INO80D: variants seen among roughly 807,000 people sequenced by gnomAD.
INO80D encodes the protein INO80 complex subunit D.
INO80D carries 21 observed loss-of-function variants against 87.6 expected under a neutral mutation model. The observed-to-expected ratio is 0.24, with a 90% CI of 0.17 to 0.35. The LOEUF (loss-of-function observed/expected upper bound fraction) is 0.35, where lower values mean the gene tolerates loss of function less well. Ranked by LOEUF, INO80D falls within the 10% of genes least tolerant of loss-of-function variation. INO80D has a pLI of 1.00. For missense variants in INO80D, 982 were observed against 1,280.7 expected, an observed-to-expected ratio of 0.77 and a Z score of 3.56; for synonymous variants, 440 against 491.0, an observed-to-expected ratio of 0.90 and a Z score of 1.37.
intron 8 of INO80D, among the ~76,000 whole-genome samples, chr2:206,010,170 A>T (rs1244450545): frequency 3.9e-5 from 6 of 151,968 alleles, no homozygotes; most frequent in Admixed American, 3.3e-4. Context: ...GTGGAGGAAA[A>T]TTTTTTGTGA....
Position 205,993,800 on chromosome 2 carries a change from TAC to T in INO80D, c.*10566_*10567del, listed in dbSNP as rs1473743895. 18 of 152,138 alleles carry T rather than the reference TAC, an allele frequency of 1.2e-4. 1 individual carries two copies. Among genetic ancestry groups the T allele is most frequent in the African/African-American group, 2.7e-4 (11 of 41,422 alleles). The allele number at this position is 152,138 out of a possible 1,614,324, so 9.4% of individuals were successfully genotyped here. ...TGTCACACTATATACAGATAATACA[TAC>T]AGTGTTTCATACACATATTACATCA... is the stretch of plus-strand genomic sequence containing the variant. On this transcript the variant is annotated 3_prime_UTR_variant, in exon 11 of 11. Transcript: ENST00000403263.
In INO80D at chr2:206,004,868, C is replaced by G. The variant is rs1474639951; in HGVS notation, c.2584G>C (p.Ala862Pro). The G allele has an allele frequency of 6.2e-7, 1 of 1,613,994 alleles. No homozygotes were observed. The highest frequency in any genetic ancestry group is 2.2e-5 in the East Asian group (1 of 44,880). The change falls in exon 11 of 11, where the codon GCA (alanine) becomes CCA (proline). Residue 862 changes from alanine to proline, a missense_variant. Coordinates refer to ENST00000403263, the MANE Select transcript of INO80D (RefSeq NM_017759.5). This position sits in a 1 kb window ranked among gnomAD's most constrained non-coding sequence, Gnocchi z 4.9. ...SGDNMAATFSAEMPIMAQHLL... is the reference protein window; with the variant it reads ...SGDNMAATFSPEMPIMAQHLL... ...TGCTGCGCCATGATGGGCATCTCTG[C>G]TGAAAAGGTAGCTGCCATATTATCA...
intron 1 of INO80D, among the ~76,000 whole-genome samples, chr2:206,071,243 G>GC (rs34495509): frequency 0.95 from 26,290 of 27,552 alleles, 12,541 homozygotes; most frequent in Middle Eastern, 0.99. Context: ...ACAGGCATAA[G>GC]CACCACGCCC....
At position 206,017,760 on chromosome 2, in the gene INO80D, C is replaced by G. The variant is rs922319836; in HGVS notation, c.1462G>C (p.Ala488Pro). The change falls in exon 8 of 11, where the codon GCA becomes CCA. Residue 488 changes from alanine (A) to proline (P), a missense_variant. Coordinates refer to ENST00000403263, the MANE Select transcript of INO80D (RefSeq NM_017759.5). ...GGCACAGAGCACTGCTGTCCATCTG[C>G]AAACTTGGCTGTGCAACTTGAGAAG... ...QLFSSCTAKF[A>P]DGQQCSVPVF... The G allele has an allele frequency of 3.0e-5, 49 of 1,613,560 alleles. No individual in the cohort carries two copies. Among genetic ancestry groups the G allele is most frequent in the Non-Finnish European group, 4.2e-5 (49 of 1,179,802 alleles).
intron 5 of INO80D, among the ~76,000 whole-genome samples, chr2:206,031,254 G>GA (rs1336144461): frequency 6.1e-5 from 8 of 131,472 alleles, no homozygotes; most frequent in South Asian, 2.4e-4. Context: ...ACTCCATCTC[G>GA]AAAAAAAAGA....
chr2:206,060,097 C>A (rs981156018), intron 3 of INO80D, among the ~76,000 whole-genome samples: 1 of 151,874 alleles, frequency 6.6e-6, no homozygotes, highest in African/African-American at 2.4e-5. Context: ...CCTAGTTACT[C>A]GGGAGACTGA....
chr2:206,081,843 C>T (rs540831472), intron 1 of INO80D, among the ~76,000 whole-genome samples: 1 of 151,828 alleles, frequency 6.6e-6, no homozygotes, highest in Non-Finnish European at 1.5e-5. Context: ...CTATTATGGG[C>T]CAAACACATG....
chr2:206,023,716 AAAG>A (rs966905315), intron 6 of INO80D, among the ~76,000 whole-genome samples: 3 of 151,650 alleles, frequency 2.0e-5, no homozygotes, highest in Non-Finnish European at 2.9e-5. Context: ...GCCAATCACC[AAAG>A]AATGATTATG....
intron 8 of INO80D, among the ~76,000 whole-genome samples, chr2:206,014,266 A>C (rs1688260813): frequency 6.6e-6 from 1 of 152,216 alleles, no homozygotes. Context: ...TTAGTATACA[A>C]ATTTTTCAAA....
At chr2:206,059,009 G>C (rs1215357688) in intron 3 of INO80D, among the ~76,000 whole-genome samples, 2 of 150,940 alleles carry the variant, frequency 1.3e-5, no homozygotes, top group East Asian at 3.9e-4. Context: ...AGGATCCCTT[G>C]AGGCCAGGAG....
At chr2:206,083,620 C>T (rs1417847425) in intron 1 of INO80D, among the ~76,000 whole-genome samples, 1 of 152,074 alleles carries the variant, frequency 6.6e-6, no homozygotes, top group Non-Finnish European at 1.5e-5. Context: ...TGATCTTAGG[C>T]AGACGAAAGG....
At position 206,028,206 on chromosome 2, in the gene INO80D, C is replaced by T. The variant is rs770379769; in HGVS notation, c.1203G>A (p.Thr401=). The change falls in exon 6 of 11, where the codon ACG becomes ACA. Residue 401 remains threonine, a synonymous_variant. Coordinates refer to ENST00000403263, the MANE Select transcript of INO80D (RefSeq NM_017759.5). ...CCGCCTGCAGCAAAGCTTTCCTAAA[C>T]GTATGCCGGCATTTCTTTTGACGAG... ...AESRQKKCRH[T]FRKALLQAAS... is the part of the protein sequence containing the mutation. 2.2e-5 allele frequency: 35 copies of T among 1,612,324 alleles called. No homozygotes were observed. Among genetic ancestry groups the T allele is most frequent in the African/African-American group, 1.1e-4 (8 of 74,888 alleles).
intron 8 of INO80D, 84 bp from the exon 9 acceptor site, chr2:206,009,878 A>G: frequency 9.2e-7 from 1 of 1,082,188 alleles, no homozygotes; most frequent in Middle Eastern, 2.9e-4. Flanking sequence ...ACATCCCTTA[A>G]TATTCTATAT....
chr2:206,044,692 C>T (rs1479117162), intron 5 of INO80D, among the ~76,000 whole-genome samples: 14 of 152,172 alleles, frequency 9.2e-5, no homozygotes, highest in Non-Finnish European at 1.9e-4. Flanking sequence ...GAATAGAATA[C>T]ACATTGTTCC....
chr2:206,056,342 T>C lies in INO80D; in HGVS notation c.820A>G (p.Thr274Ala), dbSNP rs757064035. 4.3e-6 allele frequency: 7 copies of C among 1,613,742 alleles called. No individual in the cohort carries two copies. In the African/African-American group the frequency reaches 5.3e-5, roughly 12 times the overall value. ...LPLLPSSRAP[T>A]VDPPRTDRIL... ...CGGTCAGTCCTGGGTGGGTCCACAGTGGGAGCCCTACTGGATGGCAGGAGG... is the reference window on the plus strand; with the variant it reads ...CGGTCAGTCCTGGGTGGGTCCACAGCGGGAGCCCTACTGGATGGCAGGAGG... Residue 274 changes from threonine (T) to alanine (A), a missense_variant, in exon 4 of 11, where the codon ACT becomes GCT. Transcript: ENST00000403263.
At chr2:206,011,411 C>T (rs1688170986) in intron 8 of INO80D, among the ~76,000 whole-genome samples, 2 of 152,220 alleles carry the variant, frequency 1.3e-5, no homozygotes, top group Admixed American at 1.3e-4. Context: ...ATACTTCACA[C>T]AGAACAGCCT....
chr2:206,008,077 G>T (rs541560858), intron 9 of INO80D: 2 of 152,176 alleles, frequency 1.3e-5, no homozygotes, highest in South Asian at 4.1e-4. Flanking sequence ...CACCTCCTGA[G>T]TTCAAGAGAT....
In INO80D at chr2:206,047,611, T is replaced by A. The variant is rs141545718; in HGVS notation, c.965-999A>T. On this transcript the variant is annotated intron_variant, in intron 4 of 10. Transcript: ENST00000403263. Reference sequence around the variant, plus strand: ...GTGAGAAAAGAAGCTCGATATATGTTAAGGCAAGAAAAAGGTCAATACCTG... The same window carrying A: ...GTGAGAAAAGAAGCTCGATATATGTAAAGGCAAGAAAAAGGTCAATACCTG... Among the ~76,000 whole-genome samples, 623 of 151,698 alleles carry A rather than the reference T, an allele frequency of 4.1e-3. 6 individuals are homozygous for A. Among genetic ancestry groups the A allele is most frequent in the Middle Eastern group, 0.02 (6 of 294 alleles).
chr2:205,994,872 C>T lies in INO80D; in HGVS notation c.*9496G>A, dbSNP rs1474349305. 2 of 117,908 alleles carry T rather than the reference C, an allele frequency of 1.7e-5. No homozygotes were observed. The highest frequency in any genetic ancestry group is 3.6e-5 in the Non-Finnish European group (2 of 55,444). 7.3% of individuals were successfully genotyped at this position (117,908 alleles called of 1,614,324 possible). On this transcript the variant is annotated 3_prime_UTR_variant, in exon 11 of 11. Transcript: ENST00000403263. Reference sequence around the variant, plus strand: ...TTTCAAGCACATGCAACTTGGAACTCGCAAAAAAAAAAAAAAAAGAAAGAA... The same window carrying T: ...TTTCAAGCACATGCAACTTGGAACTTGCAAAAAAAAAAAAAAAAGAAAGAA...
Sources: allele counts gnomAD v4.1 joint callset (sites outside exome capture counted in the v4.1 genomes callset), GRCh38; gene constraint gnomAD v4.1.1; non-coding constraint Gnocchi (gnomAD v3.1); transcripts MANE v1.5; gene names NCBI Gene and HGNC (gene_info 2026-07-23, HGNC 2026-07-21).